Variants in ROPN1L observed in about 807,000 individuals in gnomAD.
ROPN1L encodes rhophilin associated tail protein 1 like.
Under a neutral mutation model 22.7 loss-of-function variants are expected in ROPN1L, and 23 were observed. The observed-to-expected ratio is 1.01, with a 90% confidence interval of 0.73 to 1.43. ROPN1L has a LOEUF of 1.43. ROPN1L is among the 40% of genes most tolerant of loss of function. The pLI, the probability that ROPN1L is intolerant of heterozygous loss-of-function variation, is 0.00. For synonymous variants in ROPN1L, 116 were observed against 117.8 expected (o/e 0.98, Z 0.10); for missense variants, 271 against 291.5 (o/e 0.93, Z 0.51).
chr5:10,461,405 G>A, intron 4 of ROPN1L, 46 bp downstream of exon 4: 1 of 1,540,514 alleles, frequency 6.5e-7, no homozygotes, highest in South Asian at 1.2e-5. Flanking sequence ...GACCATGGGA[G>A]AATTTCCTGT....
downstream of ROPN1L, among the ~76,000 whole-genome samples, chr5:10,465,437 C>G (rs879595582): frequency 6.6e-6 from 1 of 150,740 alleles, no homozygotes; most frequent in African/African-American, 2.4e-5. Flanking sequence ...ATGGTGTGAA[C>G]CTGGGAGGCA....
At chr5:10,476,553 G>T (rs1270101837), downstream of ROPN1L, among the ~76,000 whole-genome samples, 1 of 152,186 alleles carries the variant, frequency 6.6e-6, no homozygotes, top group Non-Finnish European at 1.5e-5. Flanking sequence ...AAGGTTTCTG[G>T]ATCTGTTTGC....
chr5:10,448,471 C>A (rs925068761), intron 2 of ROPN1L, 88 bp downstream of exon 2: 1 of 1,476,186 alleles, frequency 6.8e-7, no homozygotes, highest in Non-Finnish European at 9.3e-7. Flanking sequence ...GCGGGGCACA[C>A]CCCAGCAATG....
chr5:10,452,341 A>ATTT (rs1195190147), intron 3 of ROPN1L, among the ~76,000 whole-genome samples: 4 of 106,830 alleles, frequency 3.7e-5, no homozygotes, highest in African/African-American at 1.5e-4. Flanking sequence ...GTGTGTGTGT[A>ATTT]TTTTTTTTTT....
At chr5:10,446,830 T>C (rs1741083012) in intron 1 of ROPN1L, among the ~76,000 whole-genome samples, 1 of 152,100 alleles carries the variant, frequency 6.6e-6, no homozygotes, top group Non-Finnish European at 1.5e-5. Flanking sequence ...CCCCATGAAA[T>C]AGGTGAAAAC....
At chr5:10,476,354 A>G (rs941302977), downstream of ROPN1L, among the ~76,000 whole-genome samples, 4 of 152,258 alleles carry the variant, frequency 2.6e-5, no homozygotes, top group African/African-American at 9.6e-5. Context: ...GTGCCTCATC[A>G]TTCTGCTTTT....
At chr5:10,457,618 CTG>C (rs1366298683) in intron 3 of ROPN1L, among the ~76,000 whole-genome samples, 1 of 152,226 alleles carries the variant, frequency 6.6e-6, no homozygotes, top group Non-Finnish European at 1.5e-5. Flanking sequence ...GGACAGCGGG[CTG>C]TGTTATCAGC....
chr5:10,464,572 C>T lies in ROPN1L; in HGVS notation c.594-276C>T, dbSNP rs551874610. Among the ~76,000 whole-genome samples the T allele has an allele frequency of 3.9e-5, 6 of 152,336 alleles. 1 individual carries two copies. In the South Asian group the frequency reaches 1.2e-3, roughly 32 times the overall value. ...GACCCTGTGCAGCAGCCACTTCTCC[C>T]ACCACTTTCCTGAGATCACAAGTCA... On this transcript the variant is annotated intron_variant, in intron 4 of 4. Coordinates refer to ENST00000274134, the MANE Select transcript of ROPN1L (RefSeq NM_031916.5).
chr5:10,454,915 A>G (rs1741368572), intron 3 of ROPN1L, among the ~76,000 whole-genome samples: 1 of 152,174 alleles, frequency 6.6e-6, no homozygotes, highest in Non-Finnish European at 1.5e-5. Flanking sequence ...AGAGGGGAGG[A>G]TTCCTCCTAG....
At chr5:10,477,325 G>A in the ROPN1L span, among the ~76,000 whole-genome samples, 15 of 152,332 alleles carry the variant, frequency 9.8e-5, no homozygotes, top group African/African-American at 3.4e-4. Flanking sequence ...GGCGCTCCAT[G>A]TCCTGGTCCA....
At position 10,461,350 on chromosome 5, in the gene ROPN1L, A is replaced by G; in HGVS notation, c.584A>G (p.Lys195Arg). 6.2e-7 allele frequency: 1 copy of G among 1,613,754 alleles called. No individual in the cohort carries two copies. Among genetic ancestry groups the G allele is most frequent in the Non-Finnish European group, 8.5e-7 (1 of 1,179,760 alleles). ...ACGGAATCCTACCTTGCCTCTCTAAAGGAAAATATGTAAGTATGCACCCTC... is the reference window on the plus strand; with the variant it reads ...ACGGAATCCTACCTTGCCTCTCTAAGGGAAAATATGTAAGTATGCACCCTC... ...LETESYLASL[K>R]ENIDARKNGM... Residue 195 changes from lysine (K) to arginine (R), a missense_variant, in exon 4 of 5, where the codon AAG becomes AGG. Lys to Arg is a conservative substitution (Grantham distance 26). Coordinates refer to ENST00000274134, the MANE Select transcript of ROPN1L (RefSeq NM_031916.5).
chr5:10,448,387 T>A lies in ROPN1L; in HGVS notation c.255+4T>A. Reference sequence around the variant, plus strand: ...CCTGAAAGTTTTGCACAAGCAGGTATGGGGGGGCGTAGTCTCTGGCCTCAG... The same window carrying A: ...CCTGAAAGTTTTGCACAAGCAGGTAAGGGGGGGCGTAGTCTCTGGCCTCAG... On this transcript the variant is annotated splice_donor_region_variant and intron_variant, in intron 2 of 4. Coordinates refer to ENST00000274134, the MANE Select transcript of ROPN1L (RefSeq NM_031916.5). 2 of 1,613,846 alleles carry A rather than the reference T, an allele frequency of 1.2e-6. No individual in the cohort carries two copies. Among genetic ancestry groups the A allele is most frequent in the Non-Finnish European group, 1.7e-6 (2 of 1,179,980 alleles).
At chr5:10,451,960 TATCTA>T (rs1173596890) in intron 3 of ROPN1L, among the ~76,000 whole-genome samples, 3 of 152,028 alleles carry the variant, frequency 2.0e-5, no homozygotes, top group African/African-American at 7.3e-5. Flanking sequence ...TCTGTCTATC[TATCTA>T]ATCTATCTAT....
At chr5:10,463,261 A>G (rs1042723686) in intron 4 of ROPN1L, among the ~76,000 whole-genome samples, 12 of 152,350 alleles carry the variant, frequency 7.9e-5, no homozygotes, top group African/African-American at 2.6e-4. Flanking sequence ...CTTTAAAGAC[A>G]AGATGCAGAG....
At chr5:10,469,851 G>A (rs1252522563), downstream of ROPN1L, among the ~76,000 whole-genome samples, 1 of 152,234 alleles carries the variant, frequency 6.6e-6, no homozygotes, top group East Asian at 1.9e-4. Flanking sequence ...TACCCAGCAT[G>A]GTGGAGTTCT....
the ROPN1L span, chr5:10,482,381 C>T: frequency 1.3e-5 from 2 of 152,182 alleles, no homozygotes; most frequent in Non-Finnish European, 2.9e-5. Flanking sequence ...GAAGGCCTTT[C>T]TGGTATATTA....
chr5:10,459,821 C>T (rs1415082416), intron 3 of ROPN1L, among the ~76,000 whole-genome samples: 1 of 151,886 alleles, frequency 6.6e-6, no homozygotes, highest in Non-Finnish European at 1.5e-5. Flanking sequence ...TGTGGCTCTC[C>T]CACTTGACTG....
intron 3 of ROPN1L, among the ~76,000 whole-genome samples, chr5:10,456,967 C>T (rs1036705039): frequency 1.3e-5 from 2 of 152,190 alleles, no homozygotes; most frequent in African/African-American, 2.4e-5. Context: ...ACGGTGGTGA[C>T]GGACTTCCAT....
At chr5:10,458,149 G>A (rs549358217) in intron 3 of ROPN1L, among the ~76,000 whole-genome samples, 2 of 152,156 alleles carry the variant, frequency 1.3e-5, no homozygotes, top group Admixed American at 1.3e-4. Flanking sequence ...GCACAGCACC[G>A]GGCTCCGAGG....
Sources: gnomAD v4.1 joint callset for allele counts (sites outside exome capture counted in the v4.1 genomes callset) on GRCh38, gnomAD v4.1.1 for gene constraint, MANE v1.5 for transcripts, NCBI Gene and HGNC (gene_info 2026-07-23, HGNC 2026-07-21) for gene names.